The following SMCO4 variants were observed in gnomAD, a reference collection of about 807,000 sequenced individuals.
SMCO4 encodes single-pass membrane protein with coiled-coil domains 4, also known as single-pass membrane and coiled-coil domain-containing protein 4.
A neutral mutation model predicts 3.6 loss-of-function variants in SMCO4; 4 were observed. The observed-to-expected ratio is 1.11, with a 90% confidence interval of 0.54 to 2.53. The LOEUF (loss-of-function observed/expected upper bound fraction) is 2.53. SMCO4 is among the 30% of genes most tolerant of loss of function. The probability of loss-of-function intolerance (pLI) is 0.02; values close to 1 mark genes in which losing one functional copy is unlikely to be tolerated. For synonymous variants in SMCO4, 36 were observed against 35.3 expected (o/e 1.02, Z -0.07); for missense variants, 70 against 80.8 (o/e 0.87, Z 0.51).
At chr11:93,510,691 A>G (rs1287769416) in intron 1 of SMCO4, among the ~76,000 whole-genome samples, 2 of 152,166 alleles carry the variant, frequency 1.3e-5, no homozygotes, top group African/African-American at 4.8e-5. Flanking sequence ...TCTGCGGCTC[A>G]GGACTCCTTC....
the SMCO4 span, among the ~76,000 whole-genome samples, chr11:93,553,443 C>A: frequency 1.3e-5 from 2 of 152,180 alleles, no homozygotes; most frequent in Non-Finnish European, 2.9e-5. Flanking sequence ...TTTGTACTAA[C>A]TTCCATTCAT....
At chr11:93,509,678 G>A (rs867161988) in intron 1 of SMCO4, among the ~76,000 whole-genome samples, 1 of 152,180 alleles carries the variant, frequency 6.6e-6, no homozygotes, top group South Asian at 2.1e-4. Context: ...CAACCTGGAC[G>A]GAACTGGAGA....
At chr11:93,504,534 G>C (rs1299249530) in intron 1 of SMCO4, among the ~76,000 whole-genome samples, 1 of 152,180 alleles carries the variant, frequency 6.6e-6, no homozygotes, top group Non-Finnish European at 1.5e-5. Context: ...ACATGTAAAT[G>C]TTTGATTTCT....
the SMCO4 span, among the ~76,000 whole-genome samples, chr11:93,551,961 G>A: frequency 6.6e-6 from 1 of 151,996 alleles, no homozygotes; most frequent in Non-Finnish European, 1.5e-5. Context: ...CAATTCCTAG[G>A]TTCTGAGACT....
chr11:93,548,891 TG>T, the SMCO4 span, among the ~76,000 whole-genome samples: 2 of 152,242 alleles, frequency 1.3e-5, no homozygotes, highest in African/African-American at 4.8e-5. Flanking sequence ...ACTGGTTACT[TG>T]GTGTATACCC....
At chr11:93,482,266 T>C (rs116178020) in intron 2 of SMCO4, among the ~76,000 whole-genome samples, 1,624 of 152,128 alleles carry the variant, frequency 0.011, 30 homozygotes, top group African/African-American at 0.038. Context: ...GGAAAAAAGC[T>C]GGGAAGAGCA....
At chr11:93,486,663 T>A (rs2658802) in intron 2 of SMCO4, among the ~76,000 whole-genome samples, 100,211 of 151,884 alleles carry the variant, frequency 0.66, 33,873 homozygotes, top group East Asian at 0.99. Flanking sequence ...GCCCAGGGCC[T>A]ACAGCATGGA....
intron 2 of SMCO4, among the ~76,000 whole-genome samples, chr11:93,488,955 G>C (rs1948682884): frequency 6.6e-6 from 1 of 152,188 alleles, no homozygotes; most frequent in Admixed American, 6.5e-5. Context: ...TGAGGAAGGG[G>C]GAGCTGGCCA....
chr11:93,531,956 G>A (rs373302172), intron 1 of SMCO4, among the ~76,000 whole-genome samples: 14 of 152,128 alleles, frequency 9.2e-5, no homozygotes, highest in African/African-American at 3.1e-4. Flanking sequence ...GCCCCATTTC[G>A]AGTTGTCCCA....
At chr11:93,535,548 T>C in intron 1 of SMCO4, 8 of 1,448,306 alleles carry the variant, frequency 5.5e-6, no homozygotes, top group South Asian at 3.4e-5. Context: ...GGCAGCATCA[T>C]ATCACCTTGA....
At chr11:93,549,792 G>A in the SMCO4 span, among the ~76,000 whole-genome samples, 1 of 151,956 alleles carries the variant, frequency 6.6e-6, no homozygotes, top group Admixed American at 6.6e-5. Flanking sequence ...AAGTTAAGAG[G>A]GAAAACTACC....
Position 93,520,657 on chromosome 11 carries a change from C to T in SMCO4, c.-153-21309G>A, listed in dbSNP as rs909033336. 8.5e-5 allele frequency among the ~76,000 whole-genome samples: 13 copies of T among 152,292 alleles called. No individual in the cohort carries two copies. In the South Asian group the frequency reaches 1.4e-3, roughly 17 times the overall value. ...AATTTTTCACATATACTACCTTTTC[C>T]TATCAAGATACAAAGACAATCAACA... On this transcript the variant is annotated intron_variant, in intron 1 of 2. Transcript: ENST00000298966.
At chr11:93,487,742 A>G (rs1418742409) in intron 2 of SMCO4, among the ~76,000 whole-genome samples, 1 of 152,208 alleles carries the variant, frequency 6.6e-6, no homozygotes, top group African/African-American at 2.4e-5. Flanking sequence ...GTTATGTATT[A>G]TTGTCCTTAG....
intron 2 of SMCO4, among the ~76,000 whole-genome samples, chr11:93,482,916 A>G (rs1370544069): frequency 6.6e-6 from 1 of 152,188 alleles, no homozygotes; most frequent in Non-Finnish European, 1.5e-5. Flanking sequence ...CTTTTTCTTT[A>G]AATAATAAGC....
chr11:93,506,534 G>A (rs1177889649), intron 1 of SMCO4, among the ~76,000 whole-genome samples: 1 of 151,756 alleles, frequency 6.6e-6, no homozygotes, highest in East Asian at 1.9e-4. Context: ...CACCTCCCAG[G>A]TTCACACCAT....
the SMCO4 span, among the ~76,000 whole-genome samples, chr11:93,550,363 T>C: frequency 6.6e-6 from 1 of 152,094 alleles, no homozygotes; most frequent in East Asian, 1.9e-4. Context: ...GGGTGTATCA[T>C]TAAAGGTGGA....
intron 1 of SMCO4, among the ~76,000 whole-genome samples, chr11:93,536,592 T>C (rs192741271): frequency 6.0e-4 from 92 of 152,310 alleles, no homozygotes; most frequent in Middle Eastern, 6.8e-3. Context: ...TGTATTTGTG[T>C]ATACAGGCTT....
intron 1 of SMCO4, among the ~76,000 whole-genome samples, chr11:93,511,393 CA>C (rs765966898): frequency 7.6e-4 from 116 of 151,886 alleles, no homozygotes; most frequent in Non-Finnish European, 1.4e-3. Context: ...AGCAGGTCCT[CA>C]AATAGCATCA....
chr11:93,522,785 T>C (rs1221431288), intron 1 of SMCO4, among the ~76,000 whole-genome samples: 7 of 152,172 alleles, frequency 4.6e-5, no homozygotes, highest in Non-Finnish European at 1.0e-4. Context: ...TGCAATTCCC[T>C]TAGTGTCAAA....
Sources: gnomAD v4.1 joint callset for allele counts (sites outside exome capture counted in the v4.1 genomes callset) on GRCh38, gnomAD v4.1.1 for gene constraint, MANE v1.5 for transcripts, NCBI Gene and HGNC (gene_info 2026-07-23, HGNC 2026-07-21) for gene names.